TRAF3: variants seen among roughly 807,000 people sequenced by gnomAD.
The protein encoded by TRAF3 is TNF receptor-associated factor 3.
Under a neutral mutation model 62.3 loss-of-function variants are expected in TRAF3, and 13 were observed. The observed-to-expected ratio is 0.21, with a 90% CI of 0.14 to 0.33. The LOEUF (loss-of-function observed/expected upper bound fraction) is 0.33. TRAF3 is among the 10% of genes least tolerant of loss of function. TRAF3 has a pLI of 1.00. For synonymous variants in TRAF3, 269 were observed against 283.4 expected (o/e 0.95, Z 0.51); for missense variants, 440 against 741.8 (o/e 0.59, Z 4.73).
At chr14:102,886,585 G>A (rs556178182) in intron 7 of TRAF3, among the ~76,000 whole-genome samples, 5 of 152,044 alleles carry the variant, frequency 3.3e-5, no homozygotes, top group Admixed American at 6.5e-5. Flanking sequence ...CTGAAACCCC[G>A]TCTCTACTAA....
intron 2 of TRAF3, among the ~76,000 whole-genome samples, chr14:102,847,003 T>A (rs1163118421): frequency 1.2e-4 from 19 of 152,314 alleles, no homozygotes; most frequent in Admixed American, 1.2e-3. Flanking sequence ...TCTATGCTTT[T>A]CTATAAGTAA....
chr14:102,833,184 C>G (rs1023897972), intron 2 of TRAF3, among the ~76,000 whole-genome samples: 1 of 152,220 alleles, frequency 6.6e-6, no homozygotes, highest in African/African-American at 2.4e-5. Flanking sequence ...AGGCTTCTGT[C>G]TTTCTTGTCC....
intron 1 of TRAF3, among the ~76,000 whole-genome samples, chr14:102,825,711 G>A (rs571704893): frequency 5.1e-4 from 77 of 152,374 alleles, no homozygotes; most frequent in African/African-American, 1.7e-3. Context: ...TGAGAGTGGC[G>A]CTGCCACAGA....
rs758553987 is a variant in TRAF3 at position 102,903,895 on chromosome 14, T to C, written c.1135+466T>C. On this transcript the variant is annotated intron_variant, in intron 11 of 11. Transcript: ENST00000392745. The surrounding 1 kb of genome is among the most constrained non-coding windows in gnomAD (Gnocchi z 6.4). ...TATGGCTTTGGGGACTGAAAGAGTA[T>C]TGGGAATATTTACATGAGGAGGATT... The C allele has an allele frequency of 2.4e-6, 1 of 422,340 alleles. No individual in the cohort carries two copies. The highest frequency in any genetic ancestry group is 1.7e-5 in the South Asian group (1 of 60,318). The allele number at this position is 422,340 out of a possible 1,614,324, so 26.2% of individuals were successfully genotyped here.
intron 6 of TRAF3, among the ~76,000 whole-genome samples, chr14:102,878,598 A>G (rs921261288): frequency 6.6e-6 from 1 of 152,162 alleles, no homozygotes; most frequent in South Asian, 2.1e-4. Context: ...GTGGGAAAAA[A>G]TACTAACAAA....
chr14:102,896,302 C>G (rs1052759664), intron 9 of TRAF3, among the ~76,000 whole-genome samples: 1 of 152,244 alleles, frequency 6.6e-6, no homozygotes, highest in African/African-American at 2.4e-5. Context: ...CTCCACAAGC[C>G]TACCCCCACT....
At position 102,908,850 on chromosome 14, in the gene TRAF3, C is replaced by A. The variant is rs534916660; in HGVS notation, c.*3066C>A. 1 of 152,410 alleles carries A rather than the reference C, an allele frequency of 6.6e-6. No individual in the cohort carries two copies. The highest frequency in any genetic ancestry group is 2.1e-4 in the South Asian group (1 of 4,832). 9.4% of individuals were successfully genotyped at this position (152,410 alleles called of 1,614,324 possible). A position where few individuals can be genotyped will look rare whatever the true frequency, so the allele number is the denominator to read the frequency against. On this transcript the variant is annotated 3_prime_UTR_variant, in exon 12 of 12. Transcript: ENST00000392745. Reference sequence around the variant, plus strand: ...CGTGGCTCGGGCTGCTCCCTGCTGCCAGGCACGCTGGTTGGCTGGCCTGGG... The same window carrying A: ...CGTGGCTCGGGCTGCTCCCTGCTGCAAGGCACGCTGGTTGGCTGGCCTGGG...
At chr14:102,879,067 G>C (rs1232946009) in intron 6 of TRAF3, among the ~76,000 whole-genome samples, 3 of 152,026 alleles carry the variant, frequency 2.0e-5, no homozygotes, top group African/African-American at 7.2e-5. Context: ...AGCCATGCAG[G>C]CTGCAGATGG....
chr14:102,899,311 G>A (rs1890159337), intron 10 of TRAF3, among the ~76,000 whole-genome samples: 2 of 152,186 alleles, frequency 1.3e-5, no homozygotes. Context: ...CTGTGTGGGA[G>A]CTGCACGGGG....
chr14:102,861,957 G>GAT (rs1171670179), intron 2 of TRAF3, among the ~76,000 whole-genome samples: 1 of 152,124 alleles, frequency 6.6e-6, no homozygotes, highest in Non-Finnish European at 1.5e-5. Context: ...ACCCTTATTA[G>GAT]ATATGTGATT....
chr14:102,800,695 C>CTTTTT (rs369818329), intron 1 of TRAF3, among the ~76,000 whole-genome samples: 8 of 133,176 alleles, frequency 6.0e-5, no homozygotes, highest in Non-Finnish European at 1.1e-4. Flanking sequence ...TGTTCTTTTC[C>CTTTTT]TTTTTTTTTT....
chr14:102,887,055 C>T (rs1044079843), intron 7 of TRAF3, among the ~76,000 whole-genome samples: 8 of 152,206 alleles, frequency 5.3e-5, no homozygotes, highest in Non-Finnish European at 1.2e-4. Flanking sequence ...TCACATTGCG[C>T]TTGGCACTCT....
intron 1 of TRAF3, among the ~76,000 whole-genome samples, chr14:102,821,158 G>A (rs1467180411): frequency 6.6e-5 from 10 of 152,122 alleles, no homozygotes; most frequent in African/African-American, 2.4e-4. Flanking sequence ...AAGTTGTGTA[G>A]AATGTATTAA....
At chr14:102,803,221 G>T (rs913024693) in intron 1 of TRAF3, among the ~76,000 whole-genome samples, 3 of 152,216 alleles carry the variant, frequency 2.0e-5, no homozygotes, top group African/African-American at 7.2e-5. Flanking sequence ...TTTATAGAGG[G>T]AGTGGGATCC....
At chr14:102,837,658 C>T (rs919083972) in intron 2 of TRAF3, among the ~76,000 whole-genome samples, 2 of 151,682 alleles carry the variant, frequency 1.3e-5, no homozygotes, top group South Asian at 2.1e-4. Context: ...AAAAAAGATA[C>T]TTGGTTTTAA....
At chr14:102,838,041 G>T (rs536494660) in intron 2 of TRAF3, among the ~76,000 whole-genome samples, 1 of 152,158 alleles carries the variant, frequency 6.6e-6, no homozygotes, top group Non-Finnish European at 1.5e-5. Context: ...AGGTAGTCGC[G>T]GTGTGATAAC....
chr14:102,903,257 A>G lies in TRAF3; in HGVS notation c.963A>G (p.Arg321=), dbSNP rs1325372740. The change falls in exon 11 of 12, where the codon CGA becomes CGG. Residue 321 remains arginine (R), a splice_region_variant and synonymous_variant. Coordinates refer to ENST00000392745, the MANE Select transcript of TRAF3 (RefSeq NM_145725.3). The surrounding 1 kb of genome is among the most constrained non-coding windows in gnomAD (Gnocchi z 6.4). ...TTTTAACACCTTTGGTTTGGAAGCGAGTGATAGACAGCCAAGCAGAGAAAC... is the reference window on the plus strand; with the variant it reads ...TTTTAACACCTTTGGTTTGGAAGCGGGTGATAGACAGCCAAGCAGAGAAAC... ...NNESKILHLQ[R]VIDSQAEKLK... 3 of 1,614,186 alleles carry G rather than the reference A, an allele frequency of 1.9e-6. No homozygotes were observed. The highest frequency in any genetic ancestry group is 2.5e-6 in the Non-Finnish European group (3 of 1,180,046).
chr14:102,903,955 T>C lies in TRAF3; in HGVS notation c.1135+526T>C. The C allele has an allele frequency of 2.7e-6, 1 of 376,130 alleles. No homozygotes were observed. Among genetic ancestry groups the C allele is most frequent in the South Asian group, 1.9e-5 (1 of 51,590 alleles). The allele number at this position is 376,130 out of a possible 1,614,324, so 23.3% of individuals were successfully genotyped here. A position where few individuals can be genotyped will look rare whatever the true frequency, so the allele number is the denominator to read the frequency against. On this transcript the variant is annotated intron_variant, in intron 11 of 11. Transcript: ENST00000392745. This position sits in a 1 kb window ranked among gnomAD's most constrained non-coding sequence, Gnocchi z 6.4. ...AAGGAACACAGATTACCGGTGTGTG[T>C]GTGGGGCCGGATGAAGCAGGCAGAG...
At chr14:102,861,972 A>G (rs1887704279) in intron 2 of TRAF3, among the ~76,000 whole-genome samples, 2 of 152,184 alleles carry the variant, frequency 1.3e-5, no homozygotes, top group South Asian at 4.1e-4. Context: ...GTGATTTGCA[A>G]GTATTTCCTC....
Sources: gnomAD v4.1 joint callset for allele counts (sites outside exome capture counted in the v4.1 genomes callset) on GRCh38, gnomAD v4.1.1 for gene constraint, Gnocchi (gnomAD v3.1) non-coding constraint, MANE v1.5 for transcripts, NCBI Gene and HGNC (gene_info 2026-07-23, HGNC 2026-07-21) for gene names.